MYO18A: variants seen among roughly 807,000 people sequenced by gnomAD.
MYO18A encodes unconventional myosin-XVIIIa.
Under a neutral mutation model 235.8 loss-of-function variants are expected in MYO18A, and 78 were observed. The observed-to-expected ratio is 0.33, with a 90% CI of 0.28 to 0.40. MYO18A has a LOEUF of 0.40. Ranked by LOEUF, MYO18A falls within the 10% of genes least tolerant of loss-of-function variation. The pLI, the probability that MYO18A is intolerant of heterozygous loss-of-function variation, is 1.00. For synonymous variants in MYO18A, 977 were observed against 1,077.8 expected, an observed-to-expected ratio of 0.91 and a Z score of 1.83; for missense variants, 2,215 against 2,699.3, an observed-to-expected ratio of 0.82 and a Z score of 3.98.
At chr17:29,161,286 C>T (rs1296456887) in intron 2 of MYO18A, among the ~76,000 whole-genome samples, 2 of 147,104 alleles carry the variant, frequency 1.4e-5, no homozygotes, top group South Asian at 2.1e-4. Flanking sequence ...ACCAGGGAGA[C>T]GGAAGTTGCA....
Position 29,082,450 on chromosome 17 carries a change from A to G in MYO18A, c.5898-12T>C. On this transcript the variant is annotated splice_polypyrimidine_tract_variant and intron_variant, in intron 40 of 41. Transcript: ENST00000527372. ...CAGAGTCTCCCTCACTGTAGGGATG[A>G]GGAGCAGAAAGGTAGACAAGGCATA... The G allele has an allele frequency of 6.2e-7, 1 of 1,611,214 alleles. No homozygotes were observed. The highest frequency in any genetic ancestry group is 2.0e-4 in the Middle Eastern group (1 of 5,124).
In MYO18A at chr17:29,166,767, C is replaced by T. The variant is rs772360568; in HGVS notation, c.174G>A (p.Thr58=). Residue 58 remains threonine (T), a synonymous_variant, in exon 2 of 42, where the codon ACG becomes ACA. Transcript: ENST00000527372. ...GGATGGGGTTGGAGATTTCCAGGCG[C>T]GTCTTGGATTCACGCTTGGAGGAGC... ...LNRSSKRESK[T]RLEISNPIPI... 3.1e-6 allele frequency: 5 copies of T among 1,613,394 alleles called. No individual in the cohort carries two copies. Among genetic ancestry groups the T allele is most frequent in the African/African-American group, 1.3e-5 (1 of 74,894 alleles).
At chr17:29,078,022 A>G (rs1206000686) in intron 41 of MYO18A, 1 of 152,014 alleles carries the variant, frequency 6.6e-6, no homozygotes, top group Non-Finnish European at 1.5e-5. Context: ...TCATATATAT[A>G]TATATTTTTT....
chr17:29,163,534 T>C (rs1348178528), intron 2 of MYO18A, among the ~76,000 whole-genome samples: 1 of 152,194 alleles, frequency 6.6e-6, no homozygotes, highest in Non-Finnish European at 1.5e-5. Context: ...CCAGCTGGGC[T>C]TACCCCATAG....
Position 29,082,371 on chromosome 17 carries a change from T to G in MYO18A, c.5965A>C (p.Lys1989Gln). 1 of 1,614,004 alleles carries G rather than the reference T, an allele frequency of 6.2e-7. No individual in the cohort carries two copies. ...RVDGVKSWLS[K>Q]NKGPSKAASD... Reference sequence around the variant, plus strand: ...GCTGCCTTGGAAGGTCCCTTGTTTTTTGACAACCAGGACTTGACCCCGTCA... The same window carrying G: ...GCTGCCTTGGAAGGTCCCTTGTTTTGTGACAACCAGGACTTGACCCCGTCA... The change falls in exon 41 of 42, where the codon AAA (lysine) becomes CAA (glutamine). Residue 1989 changes from lysine (K) to glutamine (Q), a missense_variant. Transcript: ENST00000527372.
chr17:29,109,901 G>T lies in MYO18A; in HGVS notation c.3288C>A (p.Leu1096=). The change falls in exon 19 of 42, where the codon CTC becomes CTA. Residue 1096 remains leucine, a synonymous_variant. Transcript: ENST00000527372. The surrounding 1 kb of genome is among the most constrained non-coding windows in gnomAD (Gnocchi z 4.1). The part of the protein sequence containing the change: ...QLDVPLLRTQ[L]RGSRLLDAMR... ...TGGCATCGAGCAGGCGGGAGCCGCG[G>T]AGCTGGGTGCGGAGCAGGGGCACGT... 6.3e-7 allele frequency: 1 copy of T among 1,579,550 alleles called. No homozygotes were observed. The highest frequency in any genetic ancestry group is 2.3e-5 in the East Asian group (1 of 42,918).
intron 41 of MYO18A, chr17:29,080,691 C>G (rs376439811): frequency 2.0e-6 from 2 of 985,534 alleles, no homozygotes; most frequent in African/African-American, 3.5e-5. Flanking sequence ...CGGTGGAGGC[C>G]GGGCTGAAGT....
chr17:29,177,029 C>T (rs563653176), intron 1 of MYO18A, among the ~76,000 whole-genome samples: 1 of 152,362 alleles, frequency 6.6e-6, no homozygotes, highest in South Asian at 2.1e-4. Flanking sequence ...AGGTGCACCG[C>T]CTGGCGCTCA....
intron 41 of MYO18A, 95 bp from the exon 42 acceptor site, chr17:29,075,009 A>G: frequency 6.8e-7 from 1 of 1,476,394 alleles, no homozygotes. Flanking sequence ...GCTGCGTCAG[A>G]GCACTCCCCA....
intron 10 of MYO18A, among the ~76,000 whole-genome samples, chr17:29,116,858 C>T (rs574478167): frequency 7.9e-5 from 12 of 151,622 alleles, no homozygotes; most frequent in Non-Finnish European, 1.6e-4. Flanking sequence ...TAGAGGAAAG[C>T]TAGGCTTGTC....
chr17:29,092,274 G>A, intron 34 of MYO18A, 69 bp downstream of exon 34: 1 of 1,176,598 alleles, frequency 8.5e-7, no homozygotes, highest in South Asian at 1.3e-5. Flanking sequence ...TAGGGTGAAG[G>A]GAGCCACAGA....
chr17:29,111,640 C>T lies in MYO18A; in HGVS notation c.2741-57G>A, dbSNP rs183501010. 21 of 1,611,572 alleles carry T rather than the reference C, an allele frequency of 1.3e-5. No homozygotes were observed. Among genetic ancestry groups the T allele is most frequent in the South Asian group, 7.7e-5 (7 of 90,988 alleles). Reference sequence around the variant, plus strand: ...CAGGGTACAGGCACAAAGTGACCCCCGCCCCCTCCCAGGGAGTGCCACCTG... The same window carrying T: ...CAGGGTACAGGCACAAAGTGACCCCTGCCCCCTCCCAGGGAGTGCCACCTG... On this transcript the variant is annotated intron_variant, in intron 16 of 41. Transcript: ENST00000527372. The surrounding 1 kb of genome is among the most constrained non-coding windows in gnomAD (Gnocchi z 5.1).
rs1007586745 is a variant in MYO18A, at chr17:29,097,772, T to C, written c.4102+16A>G. Reference sequence around the variant, plus strand: ...CATTGCGGGCCACTGCCGAGCTCCTTGGGCCTCAGGCCCACCTGCATCATC... The same window carrying C: ...CATTGCGGGCCACTGCCGAGCTCCTCGGGCCTCAGGCCCACCTGCATCATC... On this transcript the variant is annotated intron_variant, in intron 26 of 41. Coordinates refer to ENST00000527372, the MANE Select transcript of MYO18A (RefSeq NM_078471.4). The C allele has an allele frequency of 5.0e-6, 8 of 1,604,204 alleles. No individual in the cohort carries two copies. The African/African-American group carries it at 1.1e-4, about 21-fold the overall frequency.
intron 19 of MYO18A, among the ~76,000 whole-genome samples, chr17:29,108,267 G>A (rs545784171): frequency 1.3e-5 from 2 of 152,280 alleles, no homozygotes; most frequent in African/African-American, 4.8e-5. Context: ...AAGACTTGTA[G>A]ATTCTCTTTC....
At chr17:29,091,400 G>A in intron 34 of MYO18A, 1 of 331,360 alleles carries the variant, frequency 3.0e-6, no homozygotes, top group Non-Finnish European at 5.9e-6. Flanking sequence ...CCCTCCTTGG[G>A]GGAGGGGAAG....
chr17:29,105,104 G>A (rs989439403), intron 20 of MYO18A, among the ~76,000 whole-genome samples: 41 of 150,714 alleles, frequency 2.7e-4, no homozygotes, highest in African/African-American at 9.3e-4. Context: ...CCTGGGAGGC[G>A]GAGCTTGCAG....
Position 29,074,636 on chromosome 17 carries a change from CAGA to C in MYO18A, c.*131_*133del, listed in dbSNP as rs1419382995. On this transcript the variant is annotated 3_prime_UTR_variant, in exon 42 of 42. Transcript: ENST00000527372. This position sits in a 1 kb window ranked among gnomAD's most constrained non-coding sequence, Gnocchi z 4.4. Reference sequence around the variant, plus strand: ...CCCATAGCCTGGAAAGTGCCCCTGACAGAAGAAGGTCAGGGTGTTTCCCATGCA... The same window carrying C: ...CCCATAGCCTGGAAAGTGCCCCTGACAGAAGGTCAGGGTGTTTCCCATGCA... The C allele has an allele frequency of 9.4e-5, 91 of 965,752 alleles. No homozygotes were observed. In the South Asian group the frequency reaches 1.1e-3, roughly 12 times the overall value. The allele number at this position is 965,752 out of a possible 1,614,324, so 59.8% of individuals were successfully genotyped here.
In MYO18A at chr17:29,097,293, T is replaced by C; in HGVS notation, c.4160A>G (p.Lys1387Arg). Residue 1387 changes from lysine (K) to arginine (R), a missense_variant, in exon 27 of 42, where the codon AAA becomes AGA. Physicochemically the swap from Lys to Arg is conservative, Grantham distance 26 (BLOSUM62 2). Transcript: ENST00000527372. The part of the protein sequence containing the change: ...RAVREVDFTK[K>R]RLQQEFEDKL... ...GTCCTCAAACTCCTGCTGGAGCCGTTTCTTGGTGAAGTCCACCTCCCGCAC... is the reference window on the plus strand; with the variant it reads ...GTCCTCAAACTCCTGCTGGAGCCGTCTCTTGGTGAAGTCCACCTCCCGCAC... 1 of 1,611,130 alleles carries C rather than the reference T, an allele frequency of 6.2e-7. No individual in the cohort carries two copies. The highest frequency in any genetic ancestry group is 2.2e-5 in the East Asian group (1 of 44,872).
At position 29,079,032 on chromosome 17, in the gene MYO18A, C is replaced by T. The variant is rs566179099; in HGVS notation, c.6020+3284G>A. 2.6e-5 allele frequency among the ~76,000 whole-genome samples: 4 copies of T among 152,240 alleles called. No homozygotes were observed. In the South Asian group the frequency reaches 6.2e-4, roughly 24 times the overall value. On this transcript the variant is annotated intron_variant, in intron 41 of 41. Coordinates refer to ENST00000527372, the MANE Select transcript of MYO18A (RefSeq NM_078471.4). ...AGCCTTGTACTCCTAGGCTTGAGAT[C>T]TATGCCAGAGAGGAAGGTAGCTTTG... is the stretch of plus-strand genomic sequence containing the variant.
Sources: gnomAD v4.1 joint callset for allele counts (sites outside exome capture counted in the v4.1 genomes callset) on GRCh38, gnomAD v4.1.1 for gene constraint, Gnocchi (gnomAD v3.1) non-coding constraint, MANE v1.5 for transcripts, NCBI Gene and HGNC (gene_info 2026-07-23, HGNC 2026-07-21) for gene names.